The following INTS9 variants were observed in gnomAD, a reference collection of about 807,000 sequenced individuals.
The protein encoded by INTS9 is integrator complex subunit 9, also known as protein related to CPSF subunits of 74 kDa.
In INTS9, 55 loss-of-function variants were observed where a neutral mutation model predicts 79.7. The ratio of observed to expected loss-of-function variants is 0.69; its 90% confidence interval spans 0.56 to 0.86. The LOEUF (loss-of-function observed/expected upper bound fraction) is 0.86, where lower values mean the gene tolerates loss of function less well. Ranked by LOEUF, INTS9 falls within the 40% of genes least tolerant of loss-of-function variation. The probability of loss-of-function intolerance (pLI) is 0.00; values close to 1 mark genes in which losing one functional copy is unlikely to be tolerated. For missense variants in INTS9, 721 were observed against 831.5 expected (o/e 0.87, Z 1.64); for synonymous variants, 319 against 325.2 (o/e 0.98, Z 0.20).
intron 6 of INTS9, among the ~76,000 whole-genome samples, chr8:28,817,419 C>A (rs77753793): frequency 0.2 from 30,407 of 151,568 alleles, 3,401 homozygotes; most frequent in East Asian, 0.46. Context: ...GGAATCCTTT[C>A]CCCATTGCTT....
intron 1 of INTS9, 52 bp from the exon 2 acceptor site, chr8:28,859,615 C>G (rs779823397): frequency 6.3e-7 from 1 of 1,583,336 alleles, no homozygotes; most frequent in African/African-American, 1.3e-5. Context: ...AAGAATCCTA[C>G]AAAGTAAAGT....
In INTS9 at chr8:28,859,466, A is replaced by G. The variant is rs778397188; in HGVS notation, c.107T>C (p.Leu36Pro). Residue 36 changes from leucine to proline, a missense_variant, in exon 2 of 17, where the codon CTC becomes CCC. Physicochemically the swap from Leu to Pro is moderately conservative, Grantham distance 98. Coordinates refer to ENST00000521022, the MANE Select transcript of INTS9 (RefSeq NM_018250.4). ...LDCGLDMTST[L>P]NFLPLPLVQS... ...AACAAGTGGCAAAGGAAGGAAATTG[A>G]GGGTAGAAGTCATGTCCAGTCCGCA... is the stretch of plus-strand genomic sequence containing the variant. 1.1e-5 allele frequency: 18 copies of G among 1,614,160 alleles called. No homozygotes were observed. The highest frequency in any genetic ancestry group is 1.5e-5 in the Non-Finnish European group (18 of 1,179,992).
Position 28,887,400 on chromosome 8 carries a change from T to C in INTS9, c.9+2474A>G, listed in dbSNP as rs1046664600. On this transcript the variant is annotated intron_variant, in intron 1 of 16. Transcript: ENST00000521022. ...TTGAATTCCGATTACAAAGACAGTA[T>C]TCTAGTTGGACTGGAGAGAAATAGA... 3.3e-5 allele frequency among the ~76,000 whole-genome samples: 5 copies of C among 152,178 alleles called. No homozygotes were observed. In the South Asian group the frequency reaches 1.0e-3, roughly 32 times the overall value.
At chr8:28,775,330 A>AGGGTCCATGTTCT (rs766597512) in intron 14 of INTS9, among the ~76,000 whole-genome samples, 7 of 152,154 alleles carry the variant, frequency 4.6e-5, no homozygotes, top group Non-Finnish European at 8.8e-5. Context: ...TACTTGGTTA[A>AGGGTCCATGTTCT]GGGTCCATGT....
chr8:28,850,272 G>C lies in INTS9; in HGVS notation c.139C>G (p.Pro47Ala), dbSNP rs745530374. The change falls in exon 3 of 17, where the codon CCC becomes GCC. Residue 47 changes from proline to alanine, a missense_variant and splice_region_variant. Pro to Ala is a conservative substitution (Grantham distance 27). Coordinates refer to ENST00000521022, the MANE Select transcript of INTS9 (RefSeq NM_018250.4). ...NFLPLPLVQS[P>A]RLSNLPGWSL... ...CAGCCAGGAAGATTGGACAGCCTGG[G>C]ACTGCAAAACAAAAGATTAAGATTA... The C allele has an allele frequency of 6.2e-7, 1 of 1,612,320 alleles. No individual in the cohort carries two copies. The highest frequency in any genetic ancestry group is 8.5e-7 in the Non-Finnish European group (1 of 1,178,554).
intron 16 of INTS9, 33 bp from the exon 17 acceptor site, chr8:28,768,355 G>A: frequency 5.0e-6 from 8 of 1,598,082 alleles, no homozygotes; most frequent in Non-Finnish European, 6.0e-6. Flanking sequence ...GGTGGGCTGG[G>A]CAGACTGCAC....
intron 14 of INTS9, among the ~76,000 whole-genome samples, chr8:28,774,747 C>T (rs1363518156): frequency 1.3e-5 from 2 of 150,260 alleles, no homozygotes; most frequent in African/African-American, 2.4e-5. Flanking sequence ...ATTTCTTTTT[C>T]CTGTCTGTTG....
intron 1 of INTS9, among the ~76,000 whole-genome samples, chr8:28,879,551 T>C (rs1809581979): frequency 6.6e-6 from 1 of 152,158 alleles, no homozygotes; most frequent in Non-Finnish European, 1.5e-5. Context: ...AACACTGTAC[T>C]GGAGGGTCTA....
intron 8 of INTS9, among the ~76,000 whole-genome samples, chr8:28,809,839 C>T (rs993757454): frequency 6.6e-6 from 1 of 152,060 alleles, no homozygotes; most frequent in African/African-American, 2.4e-5. Context: ...ATAGCAACGT[C>T]CCCTCTAGAC....
At position 28,771,041 on chromosome 8, in the gene INTS9, T is replaced by C; in HGVS notation, c.1603A>G (p.Ile535Val). The C allele has an allele frequency of 3.1e-6, 5 of 1,613,268 alleles. No individual in the cohort carries two copies. The highest frequency in any genetic ancestry group is 4.2e-6 in the Non-Finnish European group (5 of 1,179,670). ...SLVPMEIKPG[I>V]SLATVSAVLH... ...ACGGCCGAGACAGTTGCCAAGGAGA[T>C]GCCAGGCTTGATCTCCATGGGCACC... is the stretch of plus-strand genomic sequence containing the variant. The change falls in exon 15 of 17, where the codon ATC (isoleucine) becomes GTC (valine). Residue 535 changes from isoleucine (I) to valine (V), a missense_variant. By Grantham distance (29) the Ile-to-Val change is conservative. Transcript: ENST00000521022.
intron 6 of INTS9, among the ~76,000 whole-genome samples, chr8:28,826,472 G>C (rs1366013731): frequency 6.6e-6 from 1 of 152,184 alleles, no homozygotes; most frequent in Non-Finnish European, 1.5e-5. Context: ...CCGTCCCACT[G>C]CCTCTGGTCC....
intron 11 of INTS9, among the ~76,000 whole-genome samples, chr8:28,782,759 T>TA (rs1803356555): frequency 6.6e-6 from 1 of 151,906 alleles, no homozygotes; most frequent in African/African-American, 2.4e-5. Context: ...CTACAAAAAA[T>TA]AAAAAAAGTT....
intron 11 of INTS9, among the ~76,000 whole-genome samples, chr8:28,785,066 C>T (rs1271695360): frequency 6.6e-6 from 1 of 152,242 alleles, no homozygotes; most frequent in African/African-American, 2.4e-5. Context: ...TCTGAATGCT[C>T]ACTAGATTCA....
chr8:28,811,635 G>A (rs563430976), intron 8 of INTS9, among the ~76,000 whole-genome samples: 4 of 152,106 alleles, frequency 2.6e-5, no homozygotes, highest in South Asian at 4.2e-4. Flanking sequence ...TGCCCAGGCC[G>A]GTCCTGAACT....
At chr8:28,883,550 T>C (rs1389838821) in intron 1 of INTS9, among the ~76,000 whole-genome samples, 1 of 152,206 alleles carries the variant, frequency 6.6e-6, no homozygotes, top group Non-Finnish European at 1.5e-5. Context: ...TTTGGCCTTA[T>C]CTGTTAAAAT....
Position 28,812,325 on chromosome 8 carries a change from A to T in INTS9, c.744+2T>A. 1 of 1,613,842 alleles carries T rather than the reference A, an allele frequency of 6.2e-7. No homozygotes were observed. The highest frequency in any genetic ancestry group is 8.5e-7 in the Non-Finnish European group (1 of 1,179,862). On this transcript the variant is annotated splice_donor_variant, in intron 8 of 16. Transcript: ENST00000521022. LOFTEE classifies it high-confidence loss of function. ...AGTTGCTAGAAGAGAATTTGGAATT[A>T]CCTGGGGGTGTGTGGTAAGCAAGGA... is the stretch of plus-strand genomic sequence containing the variant.
intron 1 of INTS9, among the ~76,000 whole-genome samples, chr8:28,881,638 C>G (rs1809821750): frequency 8.4e-6 from 1 of 118,804 alleles, no homozygotes; most frequent in Non-Finnish European, 1.8e-5. Flanking sequence ...CGCCTCTGCC[C>G]GGCCGCCCCT....
intron 6 of INTS9, among the ~76,000 whole-genome samples, chr8:28,824,818 G>C (rs1311253454): frequency 6.6e-6 from 1 of 152,226 alleles, no homozygotes; most frequent in Non-Finnish European, 1.5e-5. Flanking sequence ...CTGGGAGTTA[G>C]CTCTTCACCT....
chr8:28,802,620 C>T (rs578228205), intron 8 of INTS9, among the ~76,000 whole-genome samples: 89 of 152,164 alleles, frequency 5.8e-4, no homozygotes, highest in African/African-American at 1.9e-3. Flanking sequence ...GAGCTAAAGG[C>T]GTAGGATGGA....
Sources: gnomAD v4.1 joint callset for allele counts (sites outside exome capture counted in the v4.1 genomes callset) on GRCh38, gnomAD v4.1.1 for gene constraint, MANE v1.5 for transcripts, NCBI Gene and HGNC (gene_info 2026-07-23, HGNC 2026-07-21) for gene names.